The following VTI1A variants were observed in gnomAD, a reference collection of about 807,000 sequenced individuals.
VTI1A encodes the protein vesicle transport through interaction with t-SNAREs 1A, also known as vesicle transport through interaction with t-SNAREs homolog 1A.
Under a neutral mutation model 34.9 loss-of-function variants are expected in VTI1A, and 22 were observed. The ratio of observed to expected loss-of-function variants is 0.63; its 90% CI spans 0.45 to 0.90. VTI1A has a LOEUF of 0.90. VTI1A is among the 40% of genes least tolerant of loss of function. The pLI is 0.00. For synonymous variants in VTI1A, 87 were observed against 97.3 expected (o/e 0.89, Z 0.62); for missense variants, 268 against 275.6 (o/e 0.97, Z 0.20).
chr10:112,776,030 C>A (rs1291574009), intron 7 of VTI1A, among the ~76,000 whole-genome samples: 1 of 152,212 alleles, frequency 6.6e-6, no homozygotes, highest in Admixed American at 6.5e-5. Flanking sequence ...TCTGGCAAAC[C>A]TCCAGTGAGA....
At chr10:112,702,391 A>G (rs1045173039) in intron 7 of VTI1A, among the ~76,000 whole-genome samples, 1 of 152,136 alleles carries the variant, frequency 6.6e-6, no homozygotes, top group Non-Finnish European at 1.5e-5. Flanking sequence ...AAGCATTACT[A>G]TGTCACATAG....
At chr10:112,747,082 C>T (rs1462683535) in intron 7 of VTI1A, among the ~76,000 whole-genome samples, 4 of 152,156 alleles carry the variant, frequency 2.6e-5, no homozygotes, top group East Asian at 1.9e-4. Context: ...CAGTCAGATT[C>T]GGGGGCCTGT....
rs546095249 is a variant in VTI1A, at chr10:112,725,188, G to A, written c.560+56190G>A. ...GCATTTGGTTGATCTGTCTTTAAAC[G>A]TTCTTTAATCTATTACAGATCGCCC... On this transcript the variant is annotated intron_variant, in intron 7 of 7. Transcript: ENST00000393077. Among the ~76,000 whole-genome samples, 12 of 152,236 alleles carry A rather than the reference G, an allele frequency of 7.9e-5. No homozygotes were observed. The South Asian group carries it at 1.0e-3, about 13-fold the overall frequency.
At chr10:112,478,326 A>G (rs1394259304) in intron 3 of VTI1A, among the ~76,000 whole-genome samples, 6 of 152,176 alleles carry the variant, frequency 3.9e-5, no homozygotes, top group Non-Finnish European at 7.3e-5. Context: ...TTCTAATACC[A>G]ACTCTGCCCA....
the VTI1A span, among the ~76,000 whole-genome samples, chr10:112,840,450 T>C: frequency 6.6e-6 from 1 of 152,238 alleles, no homozygotes; most frequent in South Asian, 2.1e-4. Flanking sequence ...TGATGGTGGC[T>C]AGGCTAACTC....
chr10:112,513,161 G>A (rs1364469173), intron 3 of VTI1A, among the ~76,000 whole-genome samples: 1 of 151,884 alleles, frequency 6.6e-6, no homozygotes, highest in Admixed American at 6.6e-5. Context: ...AATTCTTCTA[G>A]TCCGTGAACA....
intron 7 of VTI1A, among the ~76,000 whole-genome samples, chr10:112,735,968 A>G (rs946773646): frequency 6.6e-6 from 1 of 151,188 alleles, no homozygotes; most frequent in Admixed American, 6.6e-5. Flanking sequence ...GAATTTGCAC[A>G]TGACTTTGTT....
chr10:112,633,104 G>A (rs1168978976), intron 5 of VTI1A, among the ~76,000 whole-genome samples: 3 of 152,074 alleles, frequency 2.0e-5, no homozygotes, highest in East Asian at 1.9e-4. Flanking sequence ...GGCAGATCAC[G>A]AGGTCAGGAG....
At chr10:112,681,208 A>G (rs1848204304) in intron 7 of VTI1A, among the ~76,000 whole-genome samples, 2 of 151,772 alleles carry the variant, frequency 1.3e-5, no homozygotes, top group Admixed American at 6.6e-5. Flanking sequence ...TAGCCTCCCA[A>G]GTAGCTGCGA....
At chr10:112,843,471 T>G in the VTI1A span, among the ~76,000 whole-genome samples, 1 of 152,170 alleles carries the variant, frequency 6.6e-6, no homozygotes, top group African/African-American at 2.4e-5. Context: ...GGGTGTGGAA[T>G]TAATGTGAGG....
rs145140520 is a variant in VTI1A at position 112,581,053 on chromosome 10, T to G, written c.427+42723T>G. Among the ~76,000 whole-genome samples, 4 of 152,262 alleles carry G rather than the reference T, an allele frequency of 2.6e-5. No individual in the cohort carries two copies. In the East Asian group the frequency reaches 7.7e-4, roughly 29 times the overall value. On this transcript the variant is annotated intron_variant, in intron 5 of 7. Transcript: ENST00000393077. ...TCCCACATGCACCCTGCATAGTTCC[T>G]AGGAAGATCAACTCTATGGATCACA...
chr10:112,714,933 T>C (rs1256135373), intron 7 of VTI1A, among the ~76,000 whole-genome samples: 1 of 152,240 alleles, frequency 6.6e-6, no homozygotes, highest in Non-Finnish European at 1.5e-5. Context: ...TCTCTTAGAA[T>C]TGTCATCAGC....
At chr10:112,649,245 T>C (rs1413241337) in intron 5 of VTI1A, among the ~76,000 whole-genome samples, 1 of 152,200 alleles carries the variant, frequency 6.6e-6, no homozygotes, top group Non-Finnish European at 1.5e-5. Context: ...CAAAGAGTGC[T>C]CTGCACAGCC....
chr10:112,667,548 A>G (rs1205561414), intron 5 of VTI1A, among the ~76,000 whole-genome samples: 4 of 152,172 alleles, frequency 2.6e-5, no homozygotes, highest in African/African-American at 9.7e-5. Flanking sequence ...ATTGCCTATA[A>G]CAGTATAAGG....
At chr10:112,461,472 A>G (rs1847725676) in intron 2 of VTI1A, among the ~76,000 whole-genome samples, 1 of 152,210 alleles carries the variant, frequency 6.6e-6, no homozygotes, top group Admixed American at 6.5e-5. Flanking sequence ...ACTGAGACTT[A>G]GAAAGATGAA....
At chr10:112,567,398 G>A (rs1027222673) in intron 5 of VTI1A, among the ~76,000 whole-genome samples, 1 of 152,120 alleles carries the variant, frequency 6.6e-6, no homozygotes, top group East Asian at 1.9e-4. Flanking sequence ...GTGAATGACA[G>A]TTCTTTTTTT....
intron 5 of VTI1A, among the ~76,000 whole-genome samples, chr10:112,641,984 T>C (rs1846594257): frequency 6.6e-6 from 1 of 152,218 alleles, no homozygotes; most frequent in Non-Finnish European, 1.5e-5. Flanking sequence ...TCAGGAAGAT[T>C]CTCAACCCAG....
intron 4 of VTI1A, among the ~76,000 whole-genome samples, chr10:112,535,764 G>A (rs1050726312): frequency 1.3e-5 from 2 of 152,180 alleles, no homozygotes; most frequent in Admixed American, 1.3e-4. Context: ...CAAGTTGAAA[G>A]CATCAGCTGC....
chr10:112,457,689 A>C (rs1047214703), intron 1 of VTI1A, among the ~76,000 whole-genome samples: 36 of 152,178 alleles, frequency 2.4e-4, no homozygotes, highest in Non-Finnish European at 1.0e-4. Flanking sequence ...ATAGTTTTAA[A>C]ATGGATGAAA....
Sources: allele counts gnomAD v4.1 joint callset (sites outside exome capture counted in the v4.1 genomes callset), GRCh38; gene constraint gnomAD v4.1.1; transcripts MANE v1.5; gene names NCBI Gene and HGNC (gene_info 2026-07-23, HGNC 2026-07-21).